NINJ2: variants seen among roughly 807,000 people sequenced by gnomAD.
The protein encoded by NINJ2 is ninjurin-2.
In NINJ2, 12 loss-of-function variants were observed where a neutral mutation model predicts 11.7. The observed-to-expected ratio is 1.02, with a 90% CI of 0.66 to 1.66. The LOEUF (loss-of-function observed/expected upper bound fraction) is 1.66. NINJ2 is among the 40% of genes most tolerant of loss of function. The pLI, the probability that NINJ2 is intolerant of heterozygous loss-of-function variation, is 0.00. For missense variants in NINJ2, 187 were observed against 181.8 expected, an observed-to-expected ratio of 1.03 and a Z score of -0.16; for synonymous variants, 93 against 76.8, an observed-to-expected ratio of 1.21 and a Z score of -1.10.
intron 1 of NINJ2, among the ~76,000 whole-genome samples, chr12:588,890 A>G (rs1338296214): frequency 2.0e-5 from 3 of 152,240 alleles, no homozygotes; most frequent in Non-Finnish European, 4.4e-5. Context: ...GACATGGCTA[A>G]GCAAGCACTT....
intron 1 of NINJ2, among the ~76,000 whole-genome samples, chr12:638,600 A>G (rs1026331324): frequency 4.6e-5 from 7 of 152,222 alleles, no homozygotes; most frequent in African/African-American, 1.7e-4. Context: ...TATTTTTAGT[A>G]GAGACGGGGT....
chr12:642,259 T>C (rs566036327), intron 1 of NINJ2, among the ~76,000 whole-genome samples: 1 of 152,334 alleles, frequency 6.6e-6, no homozygotes, highest in African/African-American at 2.4e-5. Context: ...GTTTGTTTGT[T>C]TGTTTTTGTT....
chr12:601,353 T>A (rs549574710), intron 1 of NINJ2, among the ~76,000 whole-genome samples: 1 of 147,472 alleles, frequency 6.8e-6, no homozygotes, highest in Non-Finnish European at 1.5e-5. Flanking sequence ...GAGACCATCC[T>A]GGCTAACACA....
chr12:588,224 A>AAGG (rs946469400), intron 1 of NINJ2, among the ~76,000 whole-genome samples: 2 of 151,754 alleles, frequency 1.3e-5, no homozygotes, highest in African/African-American at 4.9e-5. Flanking sequence ...GAGGGGACGG[A>AAGG]AGGGACAGAA....
chr12:604,926 T>G (rs867522133), intron 1 of NINJ2, among the ~76,000 whole-genome samples: 2 of 152,204 alleles, frequency 1.3e-5, no homozygotes, highest in Non-Finnish European at 2.9e-5. Context: ...GTCCAGGAAC[T>G]GGTTTAGGTC....
At chr12:647,503 T>G (rs572314792) in intron 1 of NINJ2, among the ~76,000 whole-genome samples, 1 of 152,232 alleles carries the variant, frequency 6.6e-6, no homozygotes, top group East Asian at 1.9e-4. Context: ...AGAACCTTTG[T>G]CTTCTTAGAA....
chr12:642,334 G>C (rs1948429005), intron 1 of NINJ2, among the ~76,000 whole-genome samples: 1 of 152,188 alleles, frequency 6.6e-6, no homozygotes, highest in Admixed American at 6.5e-5. Context: ...GAGTTCAAGC[G>C]ATCCTCCTGC....
intron 1 of NINJ2, among the ~76,000 whole-genome samples, chr12:646,981 C>CT (rs1371209821): frequency 6.6e-6 from 1 of 152,188 alleles, no homozygotes; most frequent in Non-Finnish European, 1.5e-5. Context: ...ACTGGGAGCT[C>CT]TTTCACAGAA....
chr12:605,451 T>G (rs774464126), intron 1 of NINJ2, among the ~76,000 whole-genome samples: 2 of 152,204 alleles, frequency 1.3e-5, no homozygotes, highest in Non-Finnish European at 2.9e-5. Context: ...TCCCAGCTAT[T>G]TGGGAGGCTG....
At chr12:610,332 A>T (rs1021788026) in intron 1 of NINJ2, 71 of 1,534,654 alleles carry the variant, frequency 4.6e-5, no homozygotes, top group Non-Finnish European at 5.6e-5. Context: ...TCCCGTGGCC[A>T]GAGGCACACT....
At chr12:576,084 G>A (rs1463973489) in intron 1 of NINJ2, among the ~76,000 whole-genome samples, 1 of 152,196 alleles carries the variant, frequency 6.6e-6, no homozygotes, top group Non-Finnish European at 1.5e-5. Context: ...CCACGTCGGG[G>A]TGGGGTTTCT....
At chr12:663,283 C>G (rs1425606246) in intron 1 of NINJ2, 45 bp downstream of exon 1, 3 of 1,571,428 alleles carry the variant, frequency 1.9e-6, no homozygotes, top group Non-Finnish European at 2.6e-6. Flanking sequence ...CCAGCTTCAC[C>G]TCTACTCCCG....
chr12:660,698 C>T (rs1036588959), intron 1 of NINJ2, among the ~76,000 whole-genome samples: 7 of 152,180 alleles, frequency 4.6e-5, no homozygotes, highest in Admixed American at 2.6e-4. Flanking sequence ...TGGTGGCTCA[C>T]ACCTGTAATC....
At chr12:578,533 G>T (rs1430418500) in intron 1 of NINJ2, among the ~76,000 whole-genome samples, 1 of 152,226 alleles carries the variant, frequency 6.6e-6, no homozygotes, top group South Asian at 2.1e-4. Flanking sequence ...GCCCAGGCTG[G>T]TTTTGAACTC....
intron 1 of NINJ2, among the ~76,000 whole-genome samples, chr12:579,232 C>A (rs1947512075): frequency 6.6e-6 from 1 of 152,176 alleles, no homozygotes; most frequent in South Asian, 2.1e-4. Flanking sequence ...TGAAGTAGAT[C>A]AGATCTGACA....
intron 1 of NINJ2, among the ~76,000 whole-genome samples, chr12:657,107 A>G (rs1937883098): frequency 6.6e-6 from 1 of 152,240 alleles, no homozygotes; most frequent in Non-Finnish European, 1.5e-5. Context: ...CTTTTTGTAT[A>G]CAATACCAAA....
At chr12:645,322 C>G (rs981497129) in intron 1 of NINJ2, 2 of 152,056 alleles carry the variant, frequency 1.3e-5, no homozygotes, top group Non-Finnish European at 2.9e-5. Context: ...ACTGGTAACA[C>G]GAGCATAATC....
intron 1 of NINJ2, among the ~76,000 whole-genome samples, chr12:621,085 A>G (rs933658806): frequency 3.2e-4 from 49 of 152,308 alleles, no homozygotes; most frequent in African/African-American, 1.2e-3. Flanking sequence ...CTTCTTGAAG[A>G]AATAGCAGCT....
intron 1 of NINJ2, chr12:586,028 T>C (rs1947633229): frequency 6.6e-6 from 1 of 152,174 alleles, no homozygotes; most frequent in Non-Finnish European, 1.5e-5. Flanking sequence ...TGAGCATTAA[T>C]GTAACCCACA....
Sources: allele counts gnomAD v4.1 joint callset (sites outside exome capture counted in the v4.1 genomes callset), GRCh38; gene constraint gnomAD v4.1.1; transcripts MANE v1.5; gene names NCBI Gene and HGNC (gene_info 2026-07-23, HGNC 2026-07-21).